Variants in ANKRD28 observed in about 807,000 individuals in gnomAD.
ANKRD28 encodes ankyrin repeat domain 28.
A neutral mutation model predicts 126.5 loss-of-function variants in ANKRD28; 44 were observed. The ratio of observed to expected loss-of-function variants is 0.35; its 90% CI spans 0.27 to 0.45. ANKRD28 has a LOEUF of 0.45. Among genes scored for constraint, ANKRD28 ranks in the 20% least tolerant of loss-of-function variants. The pLI, the probability that ANKRD28 is intolerant of heterozygous loss-of-function variation, is 1.00. For synonymous variants in ANKRD28, 442 were observed against 468.5 expected, an observed-to-expected ratio of 0.94 and a Z score of 0.73; for missense variants, 1,110 against 1,316.6, an observed-to-expected ratio of 0.84 and a Z score of 2.43.
chr3:15,751,936 C>G, intron 3 of ANKRD28, 116 bp from the exon 4 acceptor site: 1 of 660,330 alleles, frequency 1.5e-6, no homozygotes, highest in Non-Finnish European at 2.4e-6. Flanking sequence ...TGAAAAAAAA[C>G]TTATTTTTTA....
At chr3:15,750,157 T>C (rs554758667) in intron 4 of ANKRD28, among the ~76,000 whole-genome samples, 6 of 152,378 alleles carry the variant, frequency 3.9e-5, no homozygotes, top group African/African-American at 1.4e-4. Context: ...CTTCTGCAAA[T>C]ATATAAATTG....
chr3:15,707,982 G>T lies in ANKRD28; in HGVS notation c.1489C>A (p.Leu497Ile). Reference sequence around the variant, plus strand: ...AGGGGTGTGCAGCCTCTTTCATCAAGGTCATTCACACTTGCTCCTGATCCC... The same window carrying T: ...AGGGGTGTGCAGCCTCTTTCATCAATGTCATTCACACTTGCTCCTGATCCC... ...LVGSGASVND[L>I]DERGCTPLHY... Residue 497 changes from leucine to isoleucine, a missense_variant, in exon 14 of 28, where the codon CTT (leucine) becomes ATT (isoleucine). Physicochemically the swap from Leu to Ile is conservative, Grantham distance 5. Coordinates refer to ENST00000683139, the MANE Select transcript of ANKRD28 (RefSeq NM_001349278.2). The T allele has an allele frequency of 6.2e-7, 1 of 1,612,494 alleles. No individual in the cohort carries two copies. Among genetic ancestry groups the T allele is most frequent in the Non-Finnish European group, 8.5e-7 (1 of 1,179,302 alleles).
intron 1 of ANKRD28, among the ~76,000 whole-genome samples, chr3:15,851,016 T>C (rs1187705711): frequency 6.6e-6 from 1 of 152,192 alleles, no homozygotes; most frequent in African/African-American, 2.4e-5. Context: ...ACTGGAGAAT[T>C]TGCTGAAGAA....
chr3:15,777,750 G>A (rs1440963308), intron 2 of ANKRD28, among the ~76,000 whole-genome samples: 1 of 151,930 alleles, frequency 6.6e-6, no homozygotes, highest in African/African-American at 2.4e-5. Flanking sequence ...GAAATAGTAA[G>A]TTTGTTATCA....
At chr3:15,698,794 T>C (rs1247635172) in intron 14 of ANKRD28, among the ~76,000 whole-genome samples, 1 of 152,112 alleles carries the variant, frequency 6.6e-6, no homozygotes, top group Non-Finnish European at 1.5e-5. Context: ...AGAATCAATA[T>C]TGTGAAAATG....
intron 8 of ANKRD28, among the ~76,000 whole-genome samples, chr3:15,717,085 G>A (rs2073162226): frequency 6.6e-6 from 1 of 152,176 alleles, no homozygotes; most frequent in African/African-American, 2.4e-5. Context: ...GTAGGCCCCA[G>A]GGTTAAGTGA....
At chr3:15,789,494 T>C (rs1324741403) in intron 2 of ANKRD28, among the ~76,000 whole-genome samples, 15 of 152,066 alleles carry the variant, frequency 9.9e-5, no homozygotes. Context: ...TTTTCCAATG[T>C]CTTTGGTTGT....
rs2066176059 is a variant in ANKRD28, at chr3:15,669,752, G to A, written c.*518C>T. 1 of 152,034 alleles carries A rather than the reference G, an allele frequency of 6.6e-6. No homozygotes were observed. The allele number at this position is 152,034 out of a possible 1,614,324, so 9.4% of individuals were successfully genotyped here. On this transcript the variant is annotated 3_prime_UTR_variant, in exon 28 of 28. Transcript: ENST00000683139. ...TTCATTTCCAGAAATATTGCAGTTT[G>A]GTTTAGGTAATGTTTCATTTAATCT...
At chr3:15,802,322 G>A (rs529198480), upstream of ANKRD28, among the ~76,000 whole-genome samples, 116 of 152,114 alleles carry the variant, frequency 7.6e-4, no homozygotes, top group Non-Finnish European at 1.3e-3. Context: ...GGTCTTTGAG[G>A]ACTTTGCCAA....
At chr3:15,842,750 A>T (rs979582425) in intron 1 of ANKRD28, among the ~76,000 whole-genome samples, 7 of 152,318 alleles carry the variant, frequency 4.6e-5, no homozygotes, top group African/African-American at 1.7e-4. Flanking sequence ...AAAATTTTTT[A>T]AAACATAAAT....
intron 8 of ANKRD28, among the ~76,000 whole-genome samples, chr3:15,719,874 C>A (rs1575373413): frequency 6.6e-6 from 1 of 151,730 alleles, no homozygotes; most frequent in East Asian, 1.9e-4. Flanking sequence ...TCATTCATTC[C>A]TTTATTTATT....
rs570907526 is a variant in ANKRD28 at position 15,828,751 on chromosome 3, G to A, written c.27+30626C>T. 3.3e-5 allele frequency among the ~76,000 whole-genome samples: 5 copies of A among 152,140 alleles called. No individual in the cohort carries two copies. In the East Asian group the frequency reaches 5.8e-4, roughly 18 times the overall value. ...TGTATCCTCCACAGGTTTGCACCAC[G>A]CTGCACTTGTTCACTGACTTCACAG... On this transcript the variant is annotated intron_variant, in intron 1 of 27. Coordinates refer to the ANKRD28 transcript ENST00000399451.
intron 6 of ANKRD28, 112 bp downstream of exon 6, chr3:15,735,298 T>C (rs541127116): frequency 4.7e-6 from 4 of 851,634 alleles, no homozygotes; most frequent in Non-Finnish European, 6.9e-6. Context: ...ACTCAGATAC[T>C]GTGTAGCTTT....
intron 1 of ANKRD28, among the ~76,000 whole-genome samples, chr3:15,824,192 T>A (rs1173701007): frequency 1.3e-5 from 2 of 152,232 alleles, no homozygotes; most frequent in African/African-American, 4.8e-5. Flanking sequence ...TCTTTGAGAT[T>A]GGGTCTCATT....
rs2067997230 is a variant in ANKRD28 at position 15,685,423 on chromosome 3, C to T, written c.2192G>A (p.Cys731Tyr). The change falls in exon 21 of 28, where the codon TGT becomes TAT. Residue 731 changes from cysteine (C) to tyrosine (Y), a missense_variant. Transcript: ENST00000683139. ...HRGAVTGHEE[C>Y]VDALLQHGAK... is the part of the protein sequence containing the mutation. Reference sequence around the variant, plus strand: ...ACCATGTTGAAGTAATGCATCTACACATTCTTCATGGCCTGTAACTGCCTG... The same window carrying T: ...ACCATGTTGAAGTAATGCATCTACATATTCTTCATGGCCTGTAACTGCCTG... 1.2e-6 allele frequency: 2 copies of T among 1,613,970 alleles called. No homozygotes were observed. The highest frequency in any genetic ancestry group is 1.7e-6 in the Non-Finnish European group (2 of 1,179,838).
chr3:15,691,595 GA>G (rs2068812121), intron 17 of ANKRD28, among the ~76,000 whole-genome samples: 1 of 152,186 alleles, frequency 6.6e-6, no homozygotes, highest in Non-Finnish European at 1.5e-5. Flanking sequence ...GAAAATGTCA[GA>G]AAGTAGCAGC....
At chr3:15,726,577 G>T (rs1198163183) in intron 6 of ANKRD28, among the ~76,000 whole-genome samples, 1 of 152,194 alleles carries the variant, frequency 6.6e-6, no homozygotes, top group Non-Finnish European at 1.5e-5. Context: ...GATTCATGAG[G>T]TTTAACGAAA....
Position 15,724,544 on chromosome 3 carries a change from G to GA in ANKRD28, c.641-21dup. ...TGTGACCTAAAAATGTGTTTTTGAA[G>GA]AAAAAAATAGAGATGAGCATATGAA... On this transcript the variant is annotated intron_variant, in intron 6 of 27. Transcript: ENST00000683139. The GA allele has an allele frequency of 1.3e-6, 2 of 1,537,932 alleles. No individual in the cohort carries two copies. The highest frequency in any genetic ancestry group is 1.8e-6 in the Non-Finnish European group (2 of 1,142,058).
chr3:15,835,280 T>C (rs1319259728), intron 1 of ANKRD28, among the ~76,000 whole-genome samples: 2 of 152,240 alleles, frequency 1.3e-5, no homozygotes, highest in Non-Finnish European at 2.9e-5. Context: ...CATCCTATAA[T>C]AGTGGCTTTG....
Sources: allele counts gnomAD v4.1 joint callset (sites outside exome capture counted in the v4.1 genomes callset), GRCh38; gene constraint gnomAD v4.1.1; transcripts MANE v1.5; gene names NCBI Gene and HGNC (gene_info 2026-07-23, HGNC 2026-07-21).